Variants in ERC1 observed in about 807,000 individuals in gnomAD.
The protein encoded by ERC1 is ELKS/RAB6-interacting/CAST family member 1, also known as RAB6 interacting protein 2.
In ERC1, 56 loss-of-function variants were observed where a neutral mutation model predicts 132.0. The observed-to-expected ratio is 0.42, with a 90% confidence interval of 0.34 to 0.53. ERC1 has a LOEUF of 0.53. ERC1 is among the 20% of genes least tolerant of loss of function. The pLI is 0.03. For missense variants in ERC1, 1,202 were observed against 1,349.9 expected (o/e 0.89, Z 1.72); for synonymous variants, 478 against 476.1 (o/e 1.00, Z -0.05).
At chr12:1,042,123 C>T (rs11833686) in intron 2 of ERC1, among the ~76,000 whole-genome samples, 13,929 of 152,018 alleles carry the variant, frequency 0.092, 981 homozygotes, top group African/African-American at 0.19. Context: ...TTGCACGCTC[C>T]GCTTCCCAGG....
At chr12:1,138,594 G>T (rs1188809193) in intron 7 of ERC1, among the ~76,000 whole-genome samples, 1 of 151,866 alleles carries the variant, frequency 6.6e-6, no homozygotes, top group African/African-American at 2.4e-5. Context: ...TGAAAGATGT[G>T]TTCAGTAGGC....
intron 16 of ERC1, among the ~76,000 whole-genome samples, chr12:1,389,910 AAAC>A (rs1442351491): frequency 6.6e-5 from 10 of 152,246 alleles, no homozygotes; most frequent in Admixed American, 4.6e-4. Flanking sequence ...GCCTTTAAAG[AAAC>A]AACAACAAAA....
chr12:1,030,499 G>A (rs1405018210), intron 2 of ERC1, among the ~76,000 whole-genome samples: 1 of 152,130 alleles, frequency 6.6e-6, no homozygotes, highest in Non-Finnish European at 1.5e-5. Context: ...GAGAGGGTGC[G>A]GATTGGTTAA....
chr12:1,066,828 C>G (rs1939288590), intron 2 of ERC1, among the ~76,000 whole-genome samples: 1 of 102,572 alleles, frequency 9.7e-6, no homozygotes, highest in African/African-American at 3.9e-5. Context: ...CAGAGCGAGA[C>G]TCTGTCTCAA....
intron 3 of ERC1, among the ~76,000 whole-genome samples, chr12:1,093,955 T>TTATA (rs1469024496): frequency 9.3e-4 from 15 of 16,128 alleles, no homozygotes; most frequent in Admixed American, 2.7e-3. Context: ...ATATATATTT[T>TTATA]TCTATATATA....
At chr12:1,004,825 TG>T (rs1366517166) in intron 1 of ERC1, among the ~76,000 whole-genome samples, 2 of 135,104 alleles carry the variant, frequency 1.5e-5, no homozygotes, top group African/African-American at 2.5e-5. Context: ...TGTGTGTGTG[TG>T]TGTGTGTGTG....
intron 8 of ERC1, among the ~76,000 whole-genome samples, chr12:1,146,029 G>A (rs952534844): frequency 6.6e-6 from 1 of 152,054 alleles, no homozygotes; most frequent in Non-Finnish European, 1.5e-5. Context: ...TGTTCTTATT[G>A]CTTAGTCTTG....
At chr12:1,041,564 G>A (rs1360129558) in intron 2 of ERC1, among the ~76,000 whole-genome samples, 1 of 152,192 alleles carries the variant, frequency 6.6e-6, no homozygotes, top group East Asian at 1.9e-4. Flanking sequence ...CCTTATGTGG[G>A]TCTTCTGCCT....
intron 15 of ERC1, among the ~76,000 whole-genome samples, chr12:1,312,044 C>T (rs1263143308): frequency 1.3e-5 from 2 of 152,132 alleles, no homozygotes; most frequent in East Asian, 3.8e-4. Context: ...CATCTCAGTG[C>T]AGGGGTTGGA....
At chr12:1,119,023 A>G (rs1421617824) in intron 7 of ERC1, among the ~76,000 whole-genome samples, 2 of 152,076 alleles carry the variant, frequency 1.3e-5, no homozygotes, top group African/African-American at 2.4e-5. Context: ...ACTTATAGGC[A>G]TGTGCCACCA....
At chr12:1,010,796 G>A (rs147747871) in intron 1 of ERC1, among the ~76,000 whole-genome samples, 2,830 of 152,042 alleles carry the variant, frequency 0.019, 45 homozygotes, top group Non-Finnish European at 0.03. Context: ...TACCGAACCC[G>A]GCTGGCTATA....
At chr12:999,478 T>C (rs2154130571) in intron 1 of ERC1, among the ~76,000 whole-genome samples, 1 of 152,208 alleles carries the variant, frequency 6.6e-6, no homozygotes, top group East Asian at 1.9e-4. Flanking sequence ...GATTTCTCCC[T>C]CTCCTCCACC....
intron 16 of ERC1, among the ~76,000 whole-genome samples, chr12:1,398,965 A>G (rs1301172031): frequency 5.4e-5 from 3 of 55,752 alleles, no homozygotes; most frequent in African/African-American, 9.1e-5. Flanking sequence ...TTTTTTGTTG[A>G]AACAAGGTCT....
At chr12:1,011,498 G>A (rs1565779000) in intron 1 of ERC1, among the ~76,000 whole-genome samples, 1 of 152,112 alleles carries the variant, frequency 6.6e-6, no homozygotes, top group Non-Finnish European at 1.5e-5. Flanking sequence ...GAGCCACCTT[G>A]TTTGGCCAAC....
At chr12:1,050,969 C>T (rs1416354490) in intron 2 of ERC1, among the ~76,000 whole-genome samples, 1 of 152,030 alleles carries the variant, frequency 6.6e-6, no homozygotes, top group African/African-American at 2.4e-5. Context: ...TGTGCCACTG[C>T]ACTCCAGCCT....
intron 8 of ERC1, among the ~76,000 whole-genome samples, chr12:1,144,372 A>G (rs1013552283): frequency 2.0e-5 from 3 of 152,096 alleles, no homozygotes; most frequent in Non-Finnish European, 4.4e-5. Flanking sequence ...TGGACACTGT[A>G]CCCAATGTGT....
At chr12:1,185,686 C>T (rs930777275) in intron 11 of ERC1, among the ~76,000 whole-genome samples, 1 of 149,844 alleles carries the variant, frequency 6.7e-6, no homozygotes, top group Non-Finnish European at 1.5e-5. Context: ...AATGAATATA[C>T]TTAACCTTCT....
intron 12 of ERC1, among the ~76,000 whole-genome samples, chr12:1,208,915 C>G (rs61914329): frequency 0.23 from 34,937 of 149,426 alleles, 4,473 homozygotes; most frequent in Middle Eastern, 0.3. Flanking sequence ...CTTAGCCTCC[C>G]GAGTAGCTGG....
At chr12:1,009,468 C>G (rs1964328572) in intron 1 of ERC1, among the ~76,000 whole-genome samples, 1 of 152,190 alleles carries the variant, frequency 6.6e-6, no homozygotes, top group Non-Finnish European at 1.5e-5. Flanking sequence ...GCCACCGCGC[C>G]CAGCCAAGAT....
Sources: gnomAD v4.1 joint callset for allele counts (sites outside exome capture counted in the v4.1 genomes callset) on GRCh38, gnomAD v4.1.1 for gene constraint, MANE v1.5 for transcripts, NCBI Gene and HGNC (gene_info 2026-07-23, HGNC 2026-07-21) for gene names.